Variants in FMNL1 observed in about 807,000 individuals in gnomAD.
The protein encoded by FMNL1 is formin like 1, also known as formin-like protein 1.
Under a neutral mutation model 121.3 loss-of-function variants are expected in FMNL1, and 43 were observed. That is an observed-to-expected ratio of 0.35 (90% CI 0.28 to 0.46). FMNL1 has a LOEUF of 0.46. FMNL1 is among the 20% of genes least tolerant of loss of function. The pLI is 1.00. For synonymous variants in FMNL1, 613 were observed against 613.5 expected, an observed-to-expected ratio of 1.00 and a Z score of 0.01; for missense variants, 1,191 against 1,482.4, an observed-to-expected ratio of 0.80 and a Z score of 3.23.
intron 10 of FMNL1, 122 bp downstream of exon 10, chr17:45,238,760 C>A: frequency 7.7e-7 from 1 of 1,304,300 alleles, no homozygotes; most frequent in South Asian, 1.3e-5. Flanking sequence ...ACTGAGTGGT[C>A]AGTAGGGGAA....
intron 1 of FMNL1, among the ~76,000 whole-genome samples, chr17:45,228,753 T>TG (rs1039719276): frequency 5.3e-5 from 8 of 152,094 alleles, no homozygotes; most frequent in African/African-American, 1.9e-4. Context: ...GGTGAGGGCC[T>TG]GGGAGGATTC....
chr17:45,236,233 A>C lies in FMNL1; in HGVS notation c.712A>C (p.Met238Leu), dbSNP rs767532251. 9.3e-6 allele frequency: 15 copies of C among 1,613,766 alleles called. No homozygotes were observed. The highest frequency in any genetic ancestry group is 1.3e-5 in the African/African-American group (1 of 74,938). ...CTGTATTATGTGCCTACGCGCCATC[A>C]TGAACTACCAGGTCAGCCGAGGGGC... ...HVCIMCLRAI[M>L]NYQSGFSLVM... Residue 238 changes from methionine to leucine, a missense_variant, in exon 7 of 27, where the codon ATG becomes CTG. Physicochemically the swap from Met to Leu is conservative, Grantham distance 15. Coordinates refer to ENST00000331495, the MANE Select transcript of FMNL1 (RefSeq NM_005892.4).
Position 45,241,523 on chromosome 17 carries a change from C to T in FMNL1, c.1474C>T (p.Leu492=). ...GGAGGAGAAGGGGTTAATCCGTATT[C>T]TGCGGGGGCCGGGGGATGCTGTCTC... ...ELEEKGLIRI[L]RGPGDAVSIE... The change falls in exon 14 of 27, where the codon CTG becomes TTG. Residue 492 remains leucine, a synonymous_variant. Coordinates refer to ENST00000331495, the MANE Select transcript of FMNL1 (RefSeq NM_005892.4). This position sits in a 1 kb window ranked among gnomAD's most constrained non-coding sequence, Gnocchi z 7.0. 3 of 1,579,682 alleles carry T rather than the reference C, an allele frequency of 1.9e-6. No homozygotes were observed. The highest frequency in any genetic ancestry group is 2.6e-6 in the Non-Finnish European group (3 of 1,163,768).
intron 15 of FMNL1, 28 bp from the exon 16 acceptor site, chr17:45,242,313 C>T (rs763432541): frequency 2.5e-6 from 4 of 1,610,942 alleles, no homozygotes; most frequent in African/African-American, 1.3e-5. Context: ...CCCCAGTGCT[C>T]ACCACTGCCC....
chr17:45,228,830 C>T (rs890255856), intron 1 of FMNL1, among the ~76,000 whole-genome samples: 7 of 135,568 alleles, frequency 5.2e-5, no homozygotes, highest in African/African-American at 2.1e-4. Flanking sequence ...ACTCCCTGGC[C>T]ACCGTCTTTT....
intron 1 of FMNL1, among the ~76,000 whole-genome samples, chr17:45,230,375 G>T (rs1266509570): frequency 2.6e-5 from 4 of 152,140 alleles, no homozygotes; most frequent in Non-Finnish European, 5.9e-5. Flanking sequence ...AGGCAGACTC[G>T]GATTCAAATC....
intron 26 of FMNL1, 26 bp from the exon 27 acceptor site, chr17:45,246,841 G>C: frequency 2.8e-6 from 2 of 710,626 alleles, no homozygotes; most frequent in Non-Finnish European, 5.1e-6. Context: ...CTCCTGAATG[G>C]TAAATGTGTC....
chr17:45,222,464 G>A (rs964405008), intron 1 of FMNL1, among the ~76,000 whole-genome samples: 7 of 152,094 alleles, frequency 4.6e-5, no homozygotes, highest in African/African-American at 1.4e-4. Context: ...GTTATCGCCC[G>A]GTCTCCCTCC....
chr17:45,237,771 G>A lies in FMNL1; in HGVS notation c.894+132G>A, dbSNP rs1399737000. 2.0e-5 allele frequency: 19 copies of A among 941,380 alleles called. No individual in the cohort carries two copies. The highest frequency in any genetic ancestry group is 4.9e-5 in the African/African-American group (3 of 61,596). The allele number at this position is 941,380 out of a possible 1,614,324, so 58.3% of individuals were successfully genotyped here. On this transcript the variant is annotated intron_variant, in intron 9 of 26. Transcript: ENST00000331495. The surrounding 1 kb of genome is among the most constrained non-coding windows in gnomAD (Gnocchi z 4.4). ...GGCATTTGGGGAACGCCCAAAAGTT[G>A]AAGTTGAGCCACATCACTGGCTCAG...
Position 45,243,189 on chromosome 17 carries a change from T to C in FMNL1, c.2082T>C (p.Ala694=). 1 of 1,614,144 alleles carries C rather than the reference T, an allele frequency of 6.2e-7. No individual in the cohort carries two copies. Among genetic ancestry groups the C allele is most frequent in the Non-Finnish European group, 8.5e-7 (1 of 1,180,032 alleles). ...KSQGPSLDLS[A]LKSKAAQKAP... ...AAGGCCCCAGCCTGGACCTCAGCGC[T>C]CTCAAGAGTAAGGCAGCCCAGAAGG... Residue 694 remains alanine, a synonymous_variant, in exon 17 of 27, where the codon GCT becomes GCC. Coordinates refer to ENST00000331495, the MANE Select transcript of FMNL1 (RefSeq NM_005892.4).
chr17:45,245,270 C>T lies in FMNL1; in HGVS notation c.2746C>T (p.Leu916=). ...TGGCCCAGTGTCCCTGGACAGTGTC[C>T]TGGCGGACGTGCGCTCCCTGCAGCG... is the stretch of plus-strand genomic sequence containing the variant. ...KAGSVSLDSV[L]ADVRSLQRGL... The change falls in exon 22 of 27, where the codon CTG becomes TTG. Residue 916 remains leucine (L), a synonymous_variant. Coordinates refer to ENST00000331495, the MANE Select transcript of FMNL1 (RefSeq NM_005892.4). 6.2e-7 allele frequency: 1 copy of T among 1,614,200 alleles called. No homozygotes were observed. The highest frequency in any genetic ancestry group is 8.5e-7 in the Non-Finnish European group (1 of 1,180,026).
rs1243814433 is a variant in FMNL1 at position 45,244,004 on chromosome 17, C to T, written c.2427C>T (p.Asp809=). The change falls in exon 18 of 27, where the codon GAC becomes GAT. Residue 809 remains aspartate, a synonymous_variant. Coordinates refer to ENST00000331495, the MANE Select transcript of FMNL1 (RefSeq NM_005892.4). Reference sequence around the variant, plus strand: ...TCACCTTCCTGGGCAACTTCCCGGACACAGCCCAGCTGCTCATGCCGGTGT... The same window carrying T: ...TCACCTTCCTGGGCAACTTCCCGGATACAGCCCAGCTGCTCATGCCGGTGT... ...TTLTFLGNFP[D]TAQLLMPQLN... The T allele has an allele frequency of 2.5e-6, 4 of 1,610,470 alleles. No homozygotes were observed. Among genetic ancestry groups the T allele is most frequent in the South Asian group, 1.1e-5 (1 of 91,014 alleles).
At chr17:45,238,444 T>G in intron 9 of FMNL1, 120 bp from the exon 10 acceptor site, 1 of 955,848 alleles carries the variant, frequency 1.0e-6, no homozygotes, top group Non-Finnish European at 1.6e-6. Flanking sequence ...AGCAGAAGAG[T>G]GACGTGGCTC....
At position 45,231,374 on chromosome 17, in the gene FMNL1, C is replaced by T. The variant is rs983781403; in HGVS notation, c.213+687C>T. The T allele has an allele frequency of 6.6e-6, 1 of 152,350 alleles. No homozygotes were observed. Among genetic ancestry groups the T allele is most frequent in the Non-Finnish European group, 1.5e-5 (1 of 68,178 alleles). The allele number at this position is 152,350 out of a possible 1,614,324, so 9.4% of individuals were successfully genotyped here. ...GGAGCTGAGAGCCTCCCCTGGGAGC[C>T]AAGGCTGGGCCTTTGCCTCCTGCTA... On this transcript the variant is annotated intron_variant, in intron 2 of 26. Coordinates refer to ENST00000331495, the MANE Select transcript of FMNL1 (RefSeq NM_005892.4). This position sits in a 1 kb window ranked among gnomAD's most constrained non-coding sequence, Gnocchi z 4.7.
In FMNL1 at chr17:45,247,038, G is replaced by A; in HGVS notation, c.*180G>A. 1.5e-6 allele frequency: 1 copy of A among 651,888 alleles called. No individual in the cohort carries two copies. 40.4% of individuals were successfully genotyped at this position (651,888 alleles called of 1,614,324 possible). A position where few individuals can be genotyped will look rare whatever the true frequency, so the allele number is the denominator to read the frequency against. ...GGACAGGCTGAGGCTCAAGGAAGGT[G>A]GTCCTCAGCTCGGCTGGCCGGGCAG... On this transcript the variant is annotated 3_prime_UTR_variant, in exon 27 of 27. Transcript: ENST00000331495.
At chr17:45,229,757 C>T (rs1257371637) in intron 1 of FMNL1, among the ~76,000 whole-genome samples, 1 of 152,126 alleles carries the variant, frequency 6.6e-6, no homozygotes, top group East Asian at 1.9e-4. Flanking sequence ...GGCAGGGGCA[C>T]CGTACCCTTG....
chr17:45,234,221 G>C, intron 6 of FMNL1, 21 bp downstream of exon 6: 1 of 1,613,868 alleles, frequency 6.2e-7, no homozygotes, highest in Non-Finnish European at 8.5e-7. Context: ...CACAAAGTGG[G>C]GTGGTGGGAG....
Position 45,232,479 on chromosome 17 carries a change from G to A in FMNL1, c.326G>A (p.Gly109Glu). The part of the protein sequence containing the change: ...KVAADWMSNL[G>E]FKRRVQESTQ... ...GCAGCTGATTGGATGTCCAACCTGG[G>A]GGTACATGTCTCCCCTCTTTACTCT... is the stretch of plus-strand genomic sequence containing the variant. Residue 109 changes from glycine to glutamate, a missense_variant and splice_region_variant, in exon 3 of 27, where the codon GGG becomes GAG. Transcript: ENST00000331495. 2 of 1,613,828 alleles carry A rather than the reference G, an allele frequency of 1.2e-6. No individual in the cohort carries two copies. The highest frequency in any genetic ancestry group is 2.2e-5 in the East Asian group (1 of 44,876).
At position 45,242,063 on chromosome 17, in the gene FMNL1, TGCCTCC is replaced by T. The variant is rs1480345992; in HGVS notation, c.1806_1811del (p.Pro611_Pro612del). The T allele has an allele frequency of 7.1e-7, 1 of 1,414,234 alleles. No individual in the cohort carries two copies. The highest frequency in any genetic ancestry group is 1.8e-5 in the African/African-American group (1 of 56,166). 87.6% of individuals were successfully genotyped at this position (1,414,234 alleles called of 1,614,324 possible). A position where few individuals can be genotyped will look rare whatever the true frequency, so the allele number is the denominator to read the frequency against. On this transcript the variant is annotated inframe_deletion, in exon 15 of 27. Transcript: ENST00000331495. ...CCACCTCCGGGCACTGACGGGCCGGTGCCTCCGCCGCCGCCGCCGCCGCCGCCGCCT... is the reference window on the plus strand; with the variant it reads ...CCACCTCCGGGCACTGACGGGCCGGTGCCGCCGCCGCCGCCGCCGCCGCCT...
Sources: allele counts gnomAD v4.1 joint callset (sites outside exome capture counted in the v4.1 genomes callset), GRCh38; gene constraint gnomAD v4.1.1; non-coding constraint Gnocchi (gnomAD v3.1); transcripts MANE v1.5; gene names NCBI Gene and HGNC (gene_info 2026-07-23, HGNC 2026-07-21).